Variants in PPL observed in about 807,000 individuals in gnomAD.
The protein encoded by PPL is 190 kDa paraneoplastic pemphigus antigen.
In PPL, 198 loss-of-function variants were observed where a neutral mutation model predicts 194.4. The ratio of observed to expected loss-of-function variants is 1.02; its 90% CI spans 0.91 to 1.15. PPL has a LOEUF of 1.15. Ranked by LOEUF, PPL falls within the 50% of genes most tolerant of loss-of-function variation. PPL has a pLI of 0.00. For synonymous variants in PPL, 1,220 were observed against 972.4 expected, an observed-to-expected ratio of 1.25 and a Z score of -4.74; for missense variants, 2,885 against 2,294.8, an observed-to-expected ratio of 1.26 and a Z score of -5.25.
At chr16:4,907,102 A>T (rs1173908543) in intron 2 of PPL, among the ~76,000 whole-genome samples, 3 of 147,916 alleles carry the variant, frequency 2.0e-5, no homozygotes, top group African/African-American at 7.7e-5. Flanking sequence ...AAAAAAAAAA[A>T]AATACAAAAA....
chr16:4,891,776 G>A, intron 16 of PPL, 35 bp downstream of exon 16: 3 of 1,580,744 alleles, frequency 1.9e-6, no homozygotes, highest in Non-Finnish European at 2.6e-6. Flanking sequence ...CACCTGCTCA[G>A]AGAAGGACTC....
At chr16:4,904,100 T>G in intron 2 of PPL, 60 bp from the exon 3 acceptor site, 1 of 1,522,806 alleles carries the variant, frequency 6.6e-7, no homozygotes, top group Non-Finnish European at 8.9e-7. Context: ...ACGGTGGCAA[T>G]GGGAGGGGTG....
At chr16:4,909,865 C>G (rs541796314) in intron 2 of PPL, among the ~76,000 whole-genome samples, 140 of 152,298 alleles carry the variant, frequency 9.2e-4, no homozygotes, top group Middle Eastern at 6.8e-3. Flanking sequence ...GGCTTTCCTG[C>G]TACTAAAACA....
In PPL at chr16:4,937,104, GGCGGGAGCGCAGGTGAGCGAGCGGCGGC is replaced by G; in HGVS notation, c.-87_-60del. On this transcript the variant is annotated 5_prime_UTR_variant, in exon 1 of 22. Transcript: ENST00000345988. ...CGGGCCGGGCGCGCACCGAGGGGCG[GGCGGGAGCGCAGGTGAGCGAGCGGCGGC>G]GCGGGGAGCCCGGACTGCGGCGCGG... is the stretch of plus-strand genomic sequence containing the variant. 8.7e-7 allele frequency: 1 copy of G among 1,152,650 alleles called. No homozygotes were observed. The highest frequency in any genetic ancestry group is 1.1e-6 in the Non-Finnish European group (1 of 930,674). 71.4% of individuals were successfully genotyped at this position (1,152,650 alleles called of 1,614,324 possible).
chr16:4,904,196 T>A (rs955119681), intron 2 of PPL, among the ~76,000 whole-genome samples, 156 bp from the exon 3 acceptor site: 5 of 152,228 alleles, frequency 3.3e-5, no homozygotes, highest in Non-Finnish European at 7.3e-5. Context: ...CAGTCGGTAG[T>A]TCCATCTCTT....
intron 20 of PPL, 148 bp downstream of exon 20, chr16:4,887,954 C>T: frequency 1.5e-6 from 1 of 646,498 alleles, no homozygotes; most frequent in Non-Finnish European, 2.8e-6. Flanking sequence ...TCATCTCTTA[C>T]CAAACCTGTT....
At position 4,904,016 on chromosome 16, in the gene PPL, G is replaced by C; in HGVS notation, c.187C>G (p.Arg63Gly). 2 of 1,612,484 alleles carry C rather than the reference G, an allele frequency of 1.2e-6. No individual in the cohort carries two copies. The highest frequency in any genetic ancestry group is 1.7e-6 in the Non-Finnish European group (2 of 1,179,884). The change falls in exon 3 of 22, where the codon CGG (arginine) becomes GGG (glycine). Residue 63 changes from arginine (R) to glycine (G), a missense_variant. Physicochemically the swap from Arg to Gly is moderately radical, Grantham distance 125. Transcript: ENST00000345988. ...GTCACGTCCCGGTGCTCAGGCTGCC[G>C]ACCCTCCTGCAGCCGAGCCAGGTCC... ...QSDLARLQEG[R>G]QPEHRDVTLQ... is the part of the protein sequence containing the mutation.
chr16:4,936,574 C>A (rs1406913118), intron 1 of PPL, among the ~76,000 whole-genome samples: 1 of 152,198 alleles, frequency 6.6e-6, no homozygotes, highest in East Asian at 1.9e-4. Context: ...CCGCAGCGAC[C>A]CCGCCTTGAG....
At chr16:4,934,860 C>G (rs981506638) in intron 1 of PPL, among the ~76,000 whole-genome samples, 7 of 152,162 alleles carry the variant, frequency 4.6e-5, no homozygotes, top group African/African-American at 1.7e-4. Flanking sequence ...AGTCTGCGAA[C>G]TAGTCCCCAC....
chr16:4,901,359 G>A (rs1232018813), intron 4 of PPL, among the ~76,000 whole-genome samples: 1 of 152,202 alleles, frequency 6.6e-6, no homozygotes, highest in Non-Finnish European at 1.5e-5. Flanking sequence ...GAGGCTGAAT[G>A]AGGGCCAGTC....
At chr16:4,901,330 A>G (rs1568017027) in intron 4 of PPL, among the ~76,000 whole-genome samples, 2 of 152,296 alleles carry the variant, frequency 1.3e-5, no homozygotes, top group East Asian at 3.9e-4. Flanking sequence ...CCCATCTCTC[A>G]GATGAGGACA....
chr16:4,895,305 T>C lies in PPL; in HGVS notation c.1198A>G (p.Lys400Glu), dbSNP rs1277282758. 2.2e-5 allele frequency: 35 copies of C among 1,613,130 alleles called. No individual in the cohort carries two copies. Among genetic ancestry groups the C allele is most frequent in the Non-Finnish European group, 3.0e-5 (35 of 1,179,856 alleles). ...PLKYRRETPL[K>E]PIPVEALCDF... is the part of the protein sequence containing the mutation. ...CAGAGTGCCTCCACGGGGATGGGCT[T>C]GAGCGGAGTCTCCCGGCGGTACTTG... is the stretch of plus-strand genomic sequence containing the variant. The change falls in exon 11 of 22, where the codon AAG becomes GAG. Residue 400 changes from lysine (K) to glutamate (E), a missense_variant. Lys to Glu is a moderately conservative substitution (Grantham distance 56, BLOSUM62 1). Coordinates refer to ENST00000345988, the MANE Select transcript of PPL (RefSeq NM_002705.5).
chr16:4,910,308 T>C (rs1159354752), intron 2 of PPL, among the ~76,000 whole-genome samples: 1 of 152,186 alleles, frequency 6.6e-6, no homozygotes, highest in African/African-American at 2.4e-5. Context: ...ATATTGACGA[T>C]AATAGCCCTG....
chr16:4,923,763 T>C (rs999981686), intron 1 of PPL, among the ~76,000 whole-genome samples: 3 of 151,938 alleles, frequency 2.0e-5, no homozygotes, highest in African/African-American at 7.3e-5. Context: ...CTGCAGAGGG[T>C]TGAGATAATT....
intron 1 of PPL, 83 bp downstream of exon 1, chr16:4,936,901 T>C (rs1048227381): frequency 7.2e-7 from 1 of 1,383,406 alleles, no homozygotes; most frequent in Non-Finnish European, 9.8e-7. Context: ...CCCCCATTCC[T>C]ACACTGCCCG....
At position 4,883,923 on chromosome 16, in the gene PPL, C is replaced by G; in HGVS notation, c.4732G>C (p.Glu1578Gln). ...LQLERQNLQLETRRLQSEINM... is the reference protein window; with the variant it reads ...LQLERQNLQLQTRRLQSEINM... ...ATTTCCGATTGGAGCCTTCGGGTCT[C>G]CAGCTGCAGGTTTTGCCTCTCCAGC... The change falls in exon 22 of 22, where the codon GAG becomes CAG. Residue 1578 changes from glutamate to glutamine, a missense_variant. Glu to Gln is a conservative substitution (Grantham distance 29). Coordinates refer to ENST00000345988, the MANE Select transcript of PPL (RefSeq NM_002705.5). This position sits in a 1 kb window ranked among gnomAD's most constrained non-coding sequence, Gnocchi z 4.8. 2 of 1,614,028 alleles carry G rather than the reference C, an allele frequency of 1.2e-6. No homozygotes were observed. The highest frequency in any genetic ancestry group is 1.7e-6 in the Non-Finnish European group (2 of 1,180,008).
At chr16:4,920,568 T>C (rs571283736) in intron 1 of PPL, among the ~76,000 whole-genome samples, 1 of 152,200 alleles carries the variant, frequency 6.6e-6, no homozygotes, top group African/African-American at 2.4e-5. Flanking sequence ...ATTCAAGTGA[T>C]TCTACTGCCT....
At chr16:4,933,330 G>C (rs1467744057) in intron 1 of PPL, among the ~76,000 whole-genome samples, 3 of 152,180 alleles carry the variant, frequency 2.0e-5, no homozygotes, top group Middle Eastern at 3.2e-3. Flanking sequence ...GACCCGTCTA[G>C]GCAAGGCCAG....
chr16:4,894,498 TG>T lies in PPL; in HGVS notation c.1362del (p.Thr455GlnfsTer37), dbSNP rs753902804. On this transcript the variant is annotated frameshift_variant, in exon 12 of 22. Coordinates refer to ENST00000345988, the MANE Select transcript of PPL (RefSeq NM_002705.5). LOFTEE classifies it high-confidence loss of function. Reference protein sequence around the residue: ...IAPAVCFVIPPTDPEALALAD... With the variant: ...IAPAVCFVIPXTDPEALALAD... ...GCCAGAGCCAGGGCCTCAGGGTCTG[TG>T]GGGGGGATCACAAAACACACGGCCG... 2.3e-5 allele frequency: 37 copies of T among 1,613,398 alleles called. No homozygotes were observed. Among genetic ancestry groups the T allele is most frequent in the South Asian group, 3.3e-5 (3 of 91,068 alleles).
Sources: allele counts gnomAD v4.1 joint callset (sites outside exome capture counted in the v4.1 genomes callset), GRCh38; gene constraint gnomAD v4.1.1; non-coding constraint Gnocchi (gnomAD v3.1); transcripts MANE v1.5; gene names NCBI Gene and HGNC (gene_info 2026-07-23, HGNC 2026-07-21).